ECHDC1: variants seen among roughly 807,000 people sequenced by gnomAD.
The protein encoded by ECHDC1 is ethylmalonyl-CoA decarboxylase 1.
In ECHDC1, 29 loss-of-function variants were observed where a neutral mutation model predicts 29.7. The observed-to-expected ratio is 0.98, with a 90% CI of 0.73 to 1.33. The LOEUF (loss-of-function observed/expected upper bound fraction) is 1.33. ECHDC1 is among the 40% of genes most tolerant of loss of function. The pLI is 0.00. For missense variants in ECHDC1, 328 were observed against 350.0 expected (o/e 0.94, Z 0.50); for synonymous variants, 126 against 123.1 (o/e 1.02, Z -0.15).
intron 5 of ECHDC1, among the ~76,000 whole-genome samples, chr6:127,297,647 C>T (rs966503429): frequency 6.6e-6 from 1 of 152,102 alleles, no homozygotes; most frequent in Non-Finnish European, 1.5e-5. Flanking sequence ...ACATGGTAGG[C>T]TCTGTGGGAA....
chr6:127,337,124 G>A (rs1364211428), intron 1 of ECHDC1, among the ~76,000 whole-genome samples: 1 of 152,110 alleles, frequency 6.6e-6, no homozygotes, highest in Non-Finnish European at 1.5e-5. Context: ...AACATTCTAA[G>A]ACAAGAAGAA....
intron 5 of ECHDC1, among the ~76,000 whole-genome samples, chr6:127,311,328 C>T (rs1178221985): frequency 6.6e-6 from 1 of 152,030 alleles, no homozygotes; most frequent in Non-Finnish European, 1.5e-5. Flanking sequence ...ACAAGGCAGC[C>T]AAGTTAAAAA....
At chr6:127,308,146 T>G (rs1011826429) in intron 5 of ECHDC1, among the ~76,000 whole-genome samples, 3 of 152,198 alleles carry the variant, frequency 2.0e-5, no homozygotes, top group Admixed American at 1.3e-4. Context: ...GAACTCATTC[T>G]GTGAGGCAAG....
chr6:127,325,801 A>C (rs1783270671), intron 3 of ECHDC1, among the ~76,000 whole-genome samples: 1 of 152,076 alleles, frequency 6.6e-6, no homozygotes, highest in Non-Finnish European at 1.5e-5. Flanking sequence ...CCTGGACTCA[A>C]GCAACCTTCC....
chr6:127,337,234 G>A (rs1396600649), intron 1 of ECHDC1, among the ~76,000 whole-genome samples: 3 of 152,010 alleles, frequency 2.0e-5, no homozygotes, highest in Non-Finnish European at 4.4e-5. Flanking sequence ...TCCCCTTCCC[G>A]CTTTGTTTTC....
chr6:127,343,125 GC>G (rs1761185512), intron 1 of ECHDC1: 1 of 152,132 alleles, frequency 6.6e-6, no homozygotes, highest in Admixed American at 6.5e-5. Flanking sequence ...CGCACAGCCG[GC>G]CCGTGGCGCT....
intron 1 of ECHDC1, among the ~76,000 whole-genome samples, chr6:127,332,491 T>C (rs1784046531): frequency 6.6e-6 from 1 of 152,042 alleles, no homozygotes; most frequent in South Asian, 2.1e-4. Context: ...TGGGGAGACA[T>C]GGGACATCAA....
chr6:127,321,214 A>T (rs1275589543), intron 3 of ECHDC1, among the ~76,000 whole-genome samples: 1 of 152,232 alleles, frequency 6.6e-6, no homozygotes, highest in Non-Finnish European at 1.5e-5. Context: ...TTCAGCAAGT[A>T]AGTAGATGCT....
chr6:127,322,031 C>G (rs568262696), intron 3 of ECHDC1, among the ~76,000 whole-genome samples: 1 of 150,900 alleles, frequency 6.6e-6, no homozygotes, highest in East Asian at 2.0e-4. Flanking sequence ...AGTAGCTAGG[C>G]CTGGTGGTTC....
intron 5 of ECHDC1, among the ~76,000 whole-genome samples, chr6:127,310,760 C>A (rs993858308): frequency 1.3e-5 from 2 of 152,188 alleles, no homozygotes; most frequent in East Asian, 1.9e-4. Context: ...TGCTATCAAA[C>A]AGCACTGCAT....
At chr6:127,290,906 G>A (rs992176644) in intron 5 of ECHDC1, among the ~76,000 whole-genome samples, 1 of 152,074 alleles carries the variant, frequency 6.6e-6, no homozygotes, top group Non-Finnish European at 1.5e-5. Flanking sequence ...CAAATGAATT[G>A]AGGATATGTG....
rs371512233 is a variant in ECHDC1, at chr6:127,330,824, T to C, written c.205A>G (p.Met69Val). Residue 69 changes from methionine to valine, a missense_variant, in exon 2 of 6, where the codon ATG becomes GTG. Transcript: ENST00000454859. ...TCCCTAATACCTGAAAAGGCATTCA[T>C]TCTACTTGGATTGTTCAGAGTAAGA... ...GILTLNNPSR[M>V]NAFSGVMMLQ... 7 of 1,613,612 alleles carry C rather than the reference T, an allele frequency of 4.3e-6. No homozygotes were observed. The highest frequency in any genetic ancestry group is 2.7e-5 in the African/African-American group (2 of 74,934).
chr6:127,308,085 T>A (rs1308890815), intron 5 of ECHDC1, among the ~76,000 whole-genome samples: 1 of 152,124 alleles, frequency 6.6e-6, no homozygotes, highest in African/African-American at 2.4e-5. Flanking sequence ...CTAATGGCAA[T>A]CCTACTCAAA....
chr6:127,330,302 G>A (rs1783807113), intron 2 of ECHDC1, among the ~76,000 whole-genome samples: 1 of 152,242 alleles, frequency 6.6e-6, no homozygotes, highest in Admixed American at 6.5e-5. Flanking sequence ...CTAAGAGTTA[G>A]GGAAGATTCC....
At chr6:127,342,280 A>G in intron 1 of ECHDC1, 1 of 1,440,382 alleles carries the variant, frequency 6.9e-7, no homozygotes, top group Non-Finnish European at 9.3e-7. Flanking sequence ...TAATATTCTT[A>G]AGACTAAACA....
chr6:127,333,859 T>C (rs1275913946), intron 1 of ECHDC1, among the ~76,000 whole-genome samples: 1 of 152,142 alleles, frequency 6.6e-6, no homozygotes, highest in African/African-American at 2.4e-5. Flanking sequence ...TTCTTCTTTG[T>C]TTTTTCTATT....
intron 5 of ECHDC1, chr6:127,313,059 CAT>C (rs776157311): frequency 6.6e-6 from 1 of 152,084 alleles, no homozygotes; most frequent in Admixed American, 6.5e-5. Context: ...CATATGAAAA[CAT>C]ATAGATAGGG....
At chr6:127,316,062 C>A in intron 4 of ECHDC1, 2 of 471,174 alleles carry the variant, frequency 4.2e-6, no homozygotes, top group Non-Finnish European at 8.8e-6. Flanking sequence ...TGGATACAGA[C>A]CACTTCACCA....
intron 2 of ECHDC1, among the ~76,000 whole-genome samples, chr6:127,328,920 C>T (rs947479970): frequency 3.3e-5 from 5 of 151,796 alleles, no homozygotes; most frequent in Non-Finnish European, 5.9e-5. Context: ...CCAGCTAGTC[C>T]GGAGGCTGAG....
Sources: gnomAD v4.1 joint callset for allele counts (sites outside exome capture counted in the v4.1 genomes callset) on GRCh38, gnomAD v4.1.1 for gene constraint, MANE v1.5 for transcripts, NCBI Gene and HGNC (gene_info 2026-07-23, HGNC 2026-07-21) for gene names.